Variants in MBD5 observed in about 807,000 individuals in gnomAD.
MBD5 encodes methyl-CpG-binding domain protein 5.
A neutral mutation model predicts 117.3 loss-of-function variants in MBD5; 13 were observed. That is an observed-to-expected ratio of 0.11 (90% confidence interval 0.07 to 0.18). The LOEUF (loss-of-function observed/expected upper bound fraction) is 0.18. Ranked by LOEUF, MBD5 falls within the 10% of genes least tolerant of loss-of-function variation. The pLI, the probability that MBD5 is intolerant of heterozygous loss-of-function variation, is 1.00. For synonymous variants in MBD5, 727 were observed against 766.4 expected (o/e 0.95, Z 0.85); for missense variants, 1,879 against 2,093.8 (o/e 0.90, Z 2.00).
intron 3 of MBD5, among the ~76,000 whole-genome samples, chr2:148,334,203 C>A (rs926376935): frequency 6.6e-6 from 1 of 152,130 alleles, no homozygotes; most frequent in Non-Finnish European, 1.5e-5. Flanking sequence ...TGCTGCCTAG[C>A]TTATCATTAC....
chr2:148,130,525 A>G (rs976880642), intron 1 of MBD5, among the ~76,000 whole-genome samples: 4 of 150,266 alleles, frequency 2.7e-5, no homozygotes, highest in African/African-American at 9.8e-5. Flanking sequence ...TTTGTATTGG[A>G]TGGTCTAACA....
At chr2:148,104,753 T>C (rs1258995456) in intron 1 of MBD5, among the ~76,000 whole-genome samples, 2 of 152,156 alleles carry the variant, frequency 1.3e-5, no homozygotes, top group African/African-American at 4.8e-5. Context: ...GTTATGGGCT[T>C]TCTGATTTAA....
At chr2:148,264,736 C>T (rs1046712894) in intron 3 of MBD5, 8 of 152,106 alleles carry the variant, frequency 5.3e-5, no homozygotes, top group Admixed American at 5.2e-4. Context: ...GAAAATTCTG[C>T]TTTGAAGTCT....
intron 4 of MBD5, among the ~76,000 whole-genome samples, chr2:148,376,272 CT>C (rs11304653): frequency 0.48 from 62,789 of 130,822 alleles, 13,793 homozygotes; most frequent in East Asian, 0.71. Context: ...CTTTTCTTTT[CT>C]TTTTTTTTTT....
intron 4 of MBD5, among the ~76,000 whole-genome samples, chr2:148,362,615 C>T (rs977060117): frequency 1.3e-5 from 2 of 152,162 alleles, no homozygotes; most frequent in African/African-American, 4.8e-5. Context: ...GTGCATCTCC[C>T]GGCACAATGC....
At chr2:148,408,273 G>A (rs1253765367) in intron 4 of MBD5, among the ~76,000 whole-genome samples, 3 of 152,048 alleles carry the variant, frequency 2.0e-5, no homozygotes, top group African/African-American at 7.2e-5. Context: ...AGATAAAATT[G>A]CTTGCATCAT....
intron 2 of MBD5, among the ~76,000 whole-genome samples, chr2:148,189,235 C>T (rs1394301995): frequency 1.4e-5 from 2 of 147,416 alleles, no homozygotes; most frequent in Admixed American, 1.3e-4. Flanking sequence ...CCGGGAAGCT[C>T]GAACTGGGTG....
Position 148,296,863 on chromosome 2 carries a change from A to ATTTTTTTTTTTTTGTTTTTTT in MBD5, c.-679-45351_-679-45350insTTTTTTTTTTTTTGTTTTTTT, listed in dbSNP as rs1559010681. ...TAAGCATAGTTTGCTTTAGTTCTTC[A>ATTTTTTTTTTTTTGTTTTTTT]ATTTTTTTTTTTTTTTTTTTTGGAG... On this transcript the variant is annotated intron_variant, in intron 3 of 13. Coordinates refer to ENST00000642680, the MANE Select transcript of MBD5 (RefSeq NM_001378120.1). Among the ~76,000 whole-genome samples the ATTTTTTTTTTTTTGTTTTTTT allele has an allele frequency of 5.3e-5, 2 of 37,714 alleles. 1 individual carries two copies. Among genetic ancestry groups the ATTTTTTTTTTTTTGTTTTTTT allele is most frequent in the Non-Finnish European group, 1.1e-4 (2 of 18,978 alleles). The allele number at this position is 37,714 out of a possible 152,430, so 24.7% of individuals were successfully genotyped here.
At chr2:148,261,228 C>T (rs1236284098) in intron 3 of MBD5, among the ~76,000 whole-genome samples, 1 of 152,194 alleles carries the variant, frequency 6.6e-6, no homozygotes, top group African/African-American at 2.4e-5. Flanking sequence ...ACAAGAGAAT[C>T]AGTGGGTCCT....
At chr2:148,293,146 T>TG (rs1701539783) in intron 3 of MBD5, among the ~76,000 whole-genome samples, 2 of 65,278 alleles carry the variant, frequency 3.1e-5, no homozygotes, top group Admixed American at 4.0e-4. Flanking sequence ...AAACCTTGCC[T>TG]CAAAAAAAAA....
At chr2:148,444,034 C>T (rs1315663534) in intron 4 of MBD5, among the ~76,000 whole-genome samples, 1 of 151,052 alleles carries the variant, frequency 6.6e-6, no homozygotes, top group Admixed American at 6.6e-5. Flanking sequence ...ACTGTGTACC[C>T]ACAAAAATTA....
chr2:148,376,343 C>G (rs1703986808), intron 4 of MBD5, among the ~76,000 whole-genome samples: 1 of 148,918 alleles, frequency 6.7e-6, no homozygotes, highest in Non-Finnish European at 1.5e-5. Context: ...TCTCGGCTCA[C>G]TGCAAGTTCC....
rs538683304 is a variant in MBD5 at position 148,503,527 on chromosome 2, G to T, written c.5036+1018G>T. The stretch of plus-strand genomic sequence containing the variant: ...CTTTATGGTGTTTCCCATAATTCTG[G>T]CCAGAGGCATAATTTTAGAAGTCAA... On this transcript the variant is annotated intron_variant, in intron 12 of 13. Coordinates refer to ENST00000642680, the MANE Select transcript of MBD5 (RefSeq NM_001378120.1). 5.3e-5 allele frequency among the ~76,000 whole-genome samples: 8 copies of T among 152,194 alleles called. 1 individual carries two copies. In the South Asian group the frequency reaches 1.0e-3, roughly 20 times the overall value.
At chr2:148,256,555 A>G (rs1189088076) in intron 3 of MBD5, among the ~76,000 whole-genome samples, 1 of 152,242 alleles carries the variant, frequency 6.6e-6, no homozygotes, top group African/African-American at 2.4e-5. Context: ...CTATTGATAC[A>G]GATTACCATC....
intron 1 of MBD5, among the ~76,000 whole-genome samples, chr2:148,144,590 T>G (rs1330255493): frequency 1.3e-5 from 2 of 152,236 alleles, no homozygotes; most frequent in Non-Finnish European, 2.9e-5. Context: ...TGTCTAACAT[T>G]TAAATCTTTA....
intron 1 of MBD5, among the ~76,000 whole-genome samples, chr2:148,090,227 C>T (rs776061956): frequency 2.0e-5 from 3 of 152,002 alleles, no homozygotes; most frequent in Non-Finnish European, 4.4e-5. Flanking sequence ...AAGTCCAGAA[C>T]CAGATGGATT....
intron 1 of MBD5, among the ~76,000 whole-genome samples, chr2:148,085,199 T>C (rs1695746597): frequency 6.6e-6 from 1 of 152,208 alleles, no homozygotes; most frequent in Non-Finnish European, 1.5e-5. Flanking sequence ...TGGGTTTTGT[T>C]GGCAGTCCGT....
intron 3 of MBD5, among the ~76,000 whole-genome samples, chr2:148,236,427 A>G (rs1414508659): frequency 6.6e-6 from 1 of 152,140 alleles, no homozygotes; most frequent in East Asian, 1.9e-4. Context: ...CTACAGAAGG[A>G]ATGTTATGTT....
At chr2:148,391,564 A>G (rs908057661) in intron 4 of MBD5, among the ~76,000 whole-genome samples, 7 of 152,162 alleles carry the variant, frequency 4.6e-5, no homozygotes, top group African/African-American at 7.2e-5. Flanking sequence ...TTCACAAGTA[A>G]TATACTTTGG....
Sources: gnomAD v4.1 joint callset for allele counts (sites outside exome capture counted in the v4.1 genomes callset) on GRCh38, gnomAD v4.1.1 for gene constraint, MANE v1.5 for transcripts, NCBI Gene and HGNC (gene_info 2026-07-23, HGNC 2026-07-21) for gene names.